The following PLCB1 variants were observed in gnomAD, a reference collection of about 807,000 sequenced individuals.
PLCB1 encodes 1-phosphatidylinositol 4,5-bisphosphate phosphodiesterase beta-1.
PLCB1 carries 46 observed loss-of-function variants against 161.8 expected under a neutral mutation model. The observed-to-expected ratio is 0.28, with a 90% CI of 0.22 to 0.36. The LOEUF is 0.36. Ranked by LOEUF, PLCB1 falls within the 10% of genes least tolerant of loss-of-function variation. PLCB1 has a pLI of 1.00. For missense variants in PLCB1, 1,016 were observed against 1,472.5 expected, an observed-to-expected ratio of 0.69 and a Z score of 5.07; for synonymous variants, 517 against 503.7, an observed-to-expected ratio of 1.03 and a Z score of -0.35.
Position 8,132,645 on chromosome 20 carries a change from A to T in PLCB1, c.-7A>T, listed in dbSNP as rs1283108288. On this transcript the variant is annotated 5_prime_UTR_variant, in exon 1 of 32. Coordinates refer to ENST00000338037, the MANE Select transcript of PLCB1 (RefSeq NM_015192.4). This position sits in a 1 kb window ranked among gnomAD's most constrained non-coding sequence, Gnocchi z 5.2. ...GCCCGGGCCGCCCGGAGCCCAGATG[A>T]GCCCAGATGGCCGGGGCTCAACCCG... The T allele has an allele frequency of 6.2e-7, 1 of 1,604,648 alleles. No homozygotes were observed. Among genetic ancestry groups the T allele is most frequent in the Non-Finnish European group, 8.5e-7 (1 of 1,175,032 alleles).
chr20:8,358,351 C>T (rs1407786610), intron 2 of PLCB1, among the ~76,000 whole-genome samples: 3 of 152,080 alleles, frequency 2.0e-5, no homozygotes, highest in African/African-American at 4.8e-5. Flanking sequence ...CGGGTTCGAG[C>T]GATTCTTCCA....
chr20:8,342,638 C>T (rs971505948), intron 2 of PLCB1, among the ~76,000 whole-genome samples: 13 of 152,096 alleles, frequency 8.5e-5, no homozygotes, highest in Non-Finnish European at 1.8e-4. Context: ...CTGAATAGCC[C>T]GGCGCAAGAG....
At chr20:8,770,974 G>A (rs151018338) in intron 26 of PLCB1, among the ~76,000 whole-genome samples, 148 of 152,214 alleles carry the variant, frequency 9.7e-4, no homozygotes, top group African/African-American at 3.4e-3. Flanking sequence ...GAATATTGAA[G>A]GTAACATCAT....
intron 27 of PLCB1, among the ~76,000 whole-genome samples, chr20:8,787,913 G>A (rs1009734430): frequency 3.3e-5 from 5 of 152,228 alleles, no homozygotes; most frequent in African/African-American, 1.2e-4. Flanking sequence ...TCTAAGATGG[G>A]AAACTCATGT....
chr20:8,874,231 C>A (rs1270139777), intron 31 of PLCB1, among the ~76,000 whole-genome samples: 2 of 129,662 alleles, frequency 1.5e-5, no homozygotes, highest in Non-Finnish European at 3.3e-5. Flanking sequence ...TATGTACACA[C>A]ACACACACAC....
intron 3 of PLCB1, among the ~76,000 whole-genome samples, chr20:8,483,197 C>A (rs1982579969): frequency 6.6e-6 from 1 of 152,170 alleles, no homozygotes; most frequent in Non-Finnish European, 1.5e-5. Context: ...CTATTGTAAG[C>A]ACCTTAAGAC....
At chr20:8,520,794 T>C (rs1984317487) in intron 3 of PLCB1, among the ~76,000 whole-genome samples, 1 of 152,218 alleles carries the variant, frequency 6.6e-6, no homozygotes, top group East Asian at 1.9e-4. Context: ...TTACTCAAAA[T>C]CTGTGCATTT....
chr20:8,159,418 T>C (rs949078465), intron 2 of PLCB1, among the ~76,000 whole-genome samples: 1 of 152,126 alleles, frequency 6.6e-6, no homozygotes, highest in Non-Finnish European at 1.5e-5. Context: ...TTTTTCCTCC[T>C]AGGCCTCTGG....
At chr20:8,305,010 A>G (rs559101540) in intron 2 of PLCB1, among the ~76,000 whole-genome samples, 1 of 152,308 alleles carries the variant, frequency 6.6e-6, no homozygotes, top group South Asian at 2.1e-4. Context: ...CACACTGGCT[A>G]TATGCTAGGA....
At chr20:8,498,381 C>T (rs1345078290) in intron 3 of PLCB1, among the ~76,000 whole-genome samples, 1 of 152,202 alleles carries the variant, frequency 6.6e-6, no homozygotes, top group African/African-American at 2.4e-5. Context: ...AGGCGTGAGC[C>T]ACCACGCCCG....
intron 4 of PLCB1, among the ~76,000 whole-genome samples, chr20:8,636,786 G>A (rs569747493): frequency 6.6e-6 from 1 of 152,170 alleles, no homozygotes; most frequent in Non-Finnish European, 1.5e-5. Context: ...TCAACGCTGA[G>A]ACATAGAAAT....
chr20:8,617,237 C>G (rs1988060931), intron 3 of PLCB1, among the ~76,000 whole-genome samples: 1 of 151,986 alleles, frequency 6.6e-6, no homozygotes, highest in South Asian at 2.1e-4. Flanking sequence ...TAAATGTTTG[C>G]TAAATTTGCT....
intron 3 of PLCB1, among the ~76,000 whole-genome samples, chr20:8,540,715 T>A (rs965545618): frequency 2.0e-5 from 3 of 151,710 alleles, no homozygotes; most frequent in Non-Finnish European, 4.4e-5. Flanking sequence ...ATTAAGGTTA[T>A]GTCAGATATA....
chr20:8,737,072 C>T lies in PLCB1; in HGVS notation c.2088C>T (p.Tyr696=), dbSNP rs189186909. The T allele has an allele frequency of 1.8e-4, 294 of 1,613,164 alleles. 2 individuals are homozygous for T. Among genetic ancestry groups the T allele is most frequent in the Middle Eastern group, 9.9e-4 (6 of 6,056 alleles). ...QFLSDKKVGT[Y]VEVDMFGLPV... The stretch of plus-strand genomic sequence containing the variant: ...TTTCTGATAAGAAAGTTGGGACTTA[C>T]GTGGAAGTAGATATGTTTGGTTTGC... Residue 696 remains tyrosine, a synonymous_variant, in exon 20 of 32, where the codon TAC becomes TAT. Coordinates refer to ENST00000338037, the MANE Select transcript of PLCB1 (RefSeq NM_015192.4).
intron 27 of PLCB1, among the ~76,000 whole-genome samples, chr20:8,777,094 G>A (rs1018629791): frequency 2.6e-5 from 4 of 152,146 alleles, no homozygotes; most frequent in African/African-American, 9.7e-5. Context: ...ACAGCACAGT[G>A]GCTCTGCCTG....
chr20:8,818,421 C>G (rs1273485200), intron 31 of PLCB1, among the ~76,000 whole-genome samples: 1 of 152,084 alleles, frequency 6.6e-6, no homozygotes, highest in Non-Finnish European at 1.5e-5. Flanking sequence ...AAGATGCCCA[C>G]TATTATCCCT....
In PLCB1 at chr20:8,159,925, T is replaced by A. The variant is rs374875631; in HGVS notation, c.177+9554T>A. 9.7e-4 allele frequency among the ~76,000 whole-genome samples: 144 copies of A among 148,086 alleles called. No homozygotes were observed. The Middle Eastern group carries it at 0.018, about 18-fold the overall frequency. On this transcript the variant is annotated intron_variant, in intron 2 of 31. Coordinates refer to ENST00000338037, the MANE Select transcript of PLCB1 (RefSeq NM_015192.4). Reference sequence around the variant, plus strand: ...ATCACTTGAACCTGGGAAGTGGAGGTTGCAGTGAGCCAAGATCGTGCCATT... The same window carrying A: ...ATCACTTGAACCTGGGAAGTGGAGGATGCAGTGAGCCAAGATCGTGCCATT...
intron 11 of PLCB1, among the ~76,000 whole-genome samples, chr20:8,701,164 G>A (rs1176786817): frequency 6.6e-6 from 1 of 152,144 alleles, no homozygotes; most frequent in Non-Finnish European, 1.5e-5. Flanking sequence ...TGAACCCAGC[G>A]TGTAAAGTGA....
intron 9 of PLCB1, among the ~76,000 whole-genome samples, chr20:8,666,867 G>A (rs1419621078): frequency 6.6e-6 from 1 of 152,016 alleles, no homozygotes; most frequent in African/African-American, 2.4e-5. Flanking sequence ...GGGGAGCCTG[G>A]AGTACAGGTG....
Sources: allele counts gnomAD v4.1 joint callset (sites outside exome capture counted in the v4.1 genomes callset), GRCh38; gene constraint gnomAD v4.1.1; non-coding constraint Gnocchi (gnomAD v3.1); transcripts MANE v1.5; gene names NCBI Gene and HGNC (gene_info 2026-07-23, HGNC 2026-07-21).